MYO3A: variants seen among roughly 807,000 people sequenced by gnomAD.
MYO3A encodes the protein myosin IIIA.
MYO3A carries 180 observed loss-of-function variants against 192.7 expected under a neutral mutation model. The observed-to-expected ratio is 0.93, with a 90% CI of 0.83 to 1.06. The LOEUF (loss-of-function observed/expected upper bound fraction) is 1.06, where lower values mean the gene tolerates loss of function less well. MYO3A is among the 50% of genes least tolerant of loss of function. MYO3A has a pLI of 0.00. For synonymous variants in MYO3A, 628 were observed against 645.3 expected, an observed-to-expected ratio of 0.97 and a Z score of 0.41; for missense variants, 1,896 against 1,905.0, an observed-to-expected ratio of 1.00 and a Z score of 0.09.
intron 31 of MYO3A, among the ~76,000 whole-genome samples, chr10:26,185,171 C>G (rs1488405601): frequency 6.6e-6 from 1 of 152,046 alleles, no homozygotes; most frequent in Admixed American, 6.6e-5. Flanking sequence ...TTAGATTATC[C>G]TGGTGAAGAA....
intron 6 of MYO3A, among the ~76,000 whole-genome samples, chr10:26,000,078 C>G (rs117976140): frequency 0.018 from 2,785 of 152,268 alleles, 38 homozygotes; most frequent in Non-Finnish European, 0.024. Flanking sequence ...AAAAACACAT[C>G]TGATCCTGCG....
intron 4 of MYO3A, among the ~76,000 whole-genome samples, chr10:25,996,211 C>T (rs948891961): frequency 6.6e-6 from 1 of 152,202 alleles, no homozygotes; most frequent in African/African-American, 2.4e-5. Flanking sequence ...GGCGGGTGCC[C>T]CTCCCCATAA....
At chr10:26,061,492 T>G (rs964185223) in intron 10 of MYO3A, among the ~76,000 whole-genome samples, 1 of 152,106 alleles carries the variant, frequency 6.6e-6, no homozygotes, top group Non-Finnish European at 1.5e-5. Context: ...AGAAATGGAA[T>G]GAACAAAGTA....
At chr10:26,107,460 G>A (rs1476490215) in intron 17 of MYO3A, among the ~76,000 whole-genome samples, 5 of 117,388 alleles carry the variant, frequency 4.3e-5, no homozygotes, top group South Asian at 2.6e-4. Flanking sequence ...CAGCCTGGGC[G>A]AAAAGAGTGA....
At chr10:26,000,057 G>C (rs936364310) in intron 6 of MYO3A, among the ~76,000 whole-genome samples, 1 of 152,038 alleles carries the variant, frequency 6.6e-6, no homozygotes, top group Non-Finnish European at 1.5e-5. Context: ...GCAGCCAGGG[G>C]GATCCTTTCA....
At chr10:26,045,774 G>A (rs72793994) in intron 10 of MYO3A, among the ~76,000 whole-genome samples, 24,741 of 151,954 alleles carry the variant, frequency 0.16, 2,314 homozygotes, top group Non-Finnish European at 0.21. Flanking sequence ...GGGGCTGCCC[G>A]TAAAGAAATT....
intron 7 of MYO3A, among the ~76,000 whole-genome samples, chr10:26,019,239 A>T (rs1369131328): frequency 7.8e-6 from 1 of 128,538 alleles, no homozygotes. Context: ...TTATTTATTT[A>T]TTTATTTATT....
chr10:26,031,436 G>C (rs1842796683), intron 10 of MYO3A, among the ~76,000 whole-genome samples: 1 of 152,206 alleles, frequency 6.6e-6, no homozygotes, highest in Non-Finnish European at 1.5e-5. Flanking sequence ...CTTCCTTGAG[G>C]TTCTAAGTTC....
chr10:26,006,193 G>C (rs1339376754), intron 6 of MYO3A, among the ~76,000 whole-genome samples: 4 of 151,964 alleles, frequency 2.6e-5, no homozygotes, highest in Admixed American at 6.6e-5. Context: ...CGAGAACAAA[G>C]ACACAACATA....
At chr10:26,149,366 C>T (rs765155051) in intron 23 of MYO3A, among the ~76,000 whole-genome samples, 29 of 152,066 alleles carry the variant, frequency 1.9e-4, no homozygotes, top group Non-Finnish European at 3.4e-4. Context: ...TTCCGAGTAG[C>T]TGGGATTACA....
At chr10:26,152,331 A>G (rs1011294825) in intron 23 of MYO3A, among the ~76,000 whole-genome samples, 1 of 152,248 alleles carries the variant, frequency 6.6e-6, no homozygotes, top group South Asian at 2.1e-4. Context: ...TAACAACACA[A>G]TAAGGAGGCA....
intron 4 of MYO3A, among the ~76,000 whole-genome samples, chr10:25,990,766 GT>G (rs1839972788): frequency 6.7e-6 from 1 of 150,374 alleles, no homozygotes; most frequent in African/African-American, 2.5e-5. Context: ...GCGATGTTTG[GT>G]TTTTTGTCCT....
intron 6 of MYO3A, among the ~76,000 whole-genome samples, chr10:26,003,332 C>T (rs1047307985): frequency 6.6e-6 from 1 of 152,040 alleles, no homozygotes. Context: ...TCTGAGTTTC[C>T]AAAAGAGGTG....
In MYO3A at chr10:26,016,755, T is replaced by C; in HGVS notation, c.509-65T>C. 2.1e-6 allele frequency: 3 copies of C among 1,436,868 alleles called. No homozygotes were observed. The South Asian group carries it at 3.4e-5, about 16-fold the overall frequency. 89.0% of individuals were successfully genotyped at this position (1,436,868 alleles called of 1,614,324 possible). A position where few individuals can be genotyped will look rare whatever the true frequency, so the allele number is the denominator to read the frequency against. Reference sequence around the variant, plus strand: ...TAATATTAGTTTGCAAAAAAGATTATAGCAATTGAAAGCTCTTTATATGAG... The same window carrying C: ...TAATATTAGTTTGCAAAAAAGATTACAGCAATTGAAAGCTCTTTATATGAG... On this transcript the variant is annotated intron_variant, in intron 6 of 34. Coordinates refer to ENST00000642920, the MANE Select transcript of MYO3A (RefSeq NM_017433.5).
intron 14 of MYO3A, among the ~76,000 whole-genome samples, chr10:26,084,332 A>C (rs1341867916): frequency 6.6e-6 from 1 of 151,950 alleles, no homozygotes; most frequent in Non-Finnish European, 1.5e-5. Flanking sequence ...ATGTTATTGG[A>C]TTTGGTTTGC....
chr10:26,044,426 G>A (rs1278273610), intron 10 of MYO3A, among the ~76,000 whole-genome samples: 1 of 152,168 alleles, frequency 6.6e-6, no homozygotes, highest in South Asian at 2.1e-4. Flanking sequence ...GCCCATGCTG[G>A]CAAGGCTTGC....
At chr10:26,180,234 A>G (rs1445086939) in intron 31 of MYO3A, among the ~76,000 whole-genome samples, 1 of 152,232 alleles carries the variant, frequency 6.6e-6, no homozygotes, top group Non-Finnish European at 1.5e-5. Context: ...AATACATATT[A>G]ATATAACATA....
intron 17 of MYO3A, among the ~76,000 whole-genome samples, chr10:26,111,142 A>G (rs1838152568): frequency 6.6e-6 from 1 of 152,080 alleles, no homozygotes; most frequent in African/African-American, 2.4e-5. Context: ...AGCTGGAATT[A>G]CAGGCATGAG....
chr10:26,158,144 T>C (rs1841257845), intron 26 of MYO3A, among the ~76,000 whole-genome samples: 1 of 152,232 alleles, frequency 6.6e-6, no homozygotes, highest in East Asian at 1.9e-4. Context: ...AATGAGATAC[T>C]GTCTCTAACG....
Sources: allele counts gnomAD v4.1 joint callset (sites outside exome capture counted in the v4.1 genomes callset), GRCh38; gene constraint gnomAD v4.1.1; transcripts MANE v1.5; gene names NCBI Gene and HGNC (gene_info 2026-07-23, HGNC 2026-07-21).